The following SYT1 variants were observed in gnomAD, a reference collection of about 807,000 sequenced individuals.
SYT1 encodes synaptotagmin 1.
A neutral mutation model predicts 44.8 loss-of-function variants in SYT1; 8 were observed. The observed-to-expected ratio is 0.18, with a 90% CI of 0.10 to 0.32. SYT1 has a LOEUF of 0.32. Ranked by LOEUF, SYT1 falls within the 10% of genes least tolerant of loss-of-function variation. The probability of loss-of-function intolerance (pLI) is 1.00; values close to 1 mark genes in which losing one functional copy is unlikely to be tolerated. For synonymous variants in SYT1, 154 were observed against 188.8 expected (o/e 0.82, Z 1.51); for missense variants, 286 against 509.3 (o/e 0.56, Z 4.22).
chr12:78,931,971 C>CATGACTTGACAAGA (rs78986919), intron 1 of SYT1, among the ~76,000 whole-genome samples: 2 of 152,176 alleles, frequency 1.3e-5, no homozygotes, highest in African/African-American at 4.8e-5. Flanking sequence ...TAAACTTTGA[C>CATGACTTGACAAGA]ATGACTATCC....
At chr12:79,443,476 C>T (rs529128086) in intron 9 of SYT1, among the ~76,000 whole-genome samples, 22 of 152,324 alleles carry the variant, frequency 1.4e-4, no homozygotes, top group African/African-American at 5.1e-4. Context: ...TTTTCCCCCA[C>T]AGTCTGAAGT....
At chr12:79,190,010 T>G (rs1055819041) in intron 3 of SYT1, among the ~76,000 whole-genome samples, 1 of 152,180 alleles carries the variant, frequency 6.6e-6, no homozygotes, top group Middle Eastern at 3.2e-3. Context: ...GTTCACTCTT[T>G]TAATCACTGG....
chr12:78,996,004 A>G (rs966108305), intron 2 of SYT1, among the ~76,000 whole-genome samples: 1 of 152,192 alleles, frequency 6.6e-6, no homozygotes, highest in African/African-American at 2.4e-5. Context: ...AACTTGCCTG[A>G]AGTTTCTGAA....
At position 79,273,285 on chromosome 12, in the gene SYT1, T is replaced by A. The variant is rs143296898; in HGVS notation, c.167-12502T>A. 6.5e-3 allele frequency among the ~76,000 whole-genome samples: 981 copies of A among 152,070 alleles called. 7 individuals are homozygous for A. Among genetic ancestry groups the A allele is most frequent in the South Asian group, 0.04 (192 of 4,794 alleles). ...TATGCACAACATCCAGCTATTTTTT[T>A]TTATTATTTTTTGTAGAGCTAAGGT... is the stretch of plus-strand genomic sequence containing the variant. On this transcript the variant is annotated intron_variant, in intron 4 of 10. Coordinates refer to ENST00000261205, the MANE Select transcript of SYT1 (RefSeq NM_005639.3).
chr12:79,161,558 A>T (rs1402343272), intron 3 of SYT1, among the ~76,000 whole-genome samples: 1 of 152,188 alleles, frequency 6.6e-6, no homozygotes, highest in Non-Finnish European at 1.5e-5. Flanking sequence ...ATTTAATAAA[A>T]TACTAAAACT....
intron 2 of SYT1, among the ~76,000 whole-genome samples, chr12:78,983,698 T>C (rs928619992): frequency 2.6e-5 from 4 of 152,042 alleles, no homozygotes; most frequent in African/African-American, 9.7e-5. Flanking sequence ...ATGCAATAGG[T>C]TACATCTGAT....
intron 2 of SYT1, among the ~76,000 whole-genome samples, chr12:78,981,736 C>T (rs148788593): frequency 0.013 from 1,935 of 152,240 alleles, 13 homozygotes; most frequent in Non-Finnish European, 0.019. Flanking sequence ...CACAGTTGTT[C>T]ATTTAATTTA....
intron 3 of SYT1, among the ~76,000 whole-genome samples, chr12:79,115,492 G>GA (rs1329547190): frequency 5.3e-5 from 8 of 152,068 alleles, no homozygotes; most frequent in African/African-American, 1.7e-4. Flanking sequence ...ATGAACTTAG[G>GA]AAAAACCTTT....
chr12:79,361,051 T>C (rs1883297774), intron 9 of SYT1, among the ~76,000 whole-genome samples: 1 of 152,160 alleles, frequency 6.6e-6, no homozygotes, highest in Non-Finnish European at 1.5e-5. Flanking sequence ...AACTCCTAAG[T>C]AGATTCTTTA....
rs1363054065 is a variant in SYT1, at chr12:79,293,375, T to TAAA, written c.474+1247_474+1249dup. Among the ~76,000 whole-genome samples, 3 of 140,576 alleles carry TAAA rather than the reference T, an allele frequency of 2.1e-5. 1 individual carries two copies. Among genetic ancestry groups the TAAA allele is most frequent in the African/African-American group, 8.0e-5 (3 of 37,636 alleles). 92.2% of individuals were successfully genotyped at this position (140,576 alleles called of 152,430 possible). A position where few individuals can be genotyped will look rare whatever the true frequency, so the allele number is the denominator to read the frequency against. On this transcript the variant is annotated intron_variant, in intron 6 of 10. Transcript: ENST00000261205. ...TAAAATAAAATAAAATAAAATAAAA[T>TAAA]AAAATAAAATAAAATAAAATAAAAT...
chr12:79,297,778 A>T (rs1217496936), intron 7 of SYT1, among the ~76,000 whole-genome samples: 1 of 152,170 alleles, frequency 6.6e-6, no homozygotes, highest in Non-Finnish European at 1.5e-5. Flanking sequence ...AGGCAATATG[A>T]TACAGGAATG....
intron 3 of SYT1, among the ~76,000 whole-genome samples, chr12:79,050,425 A>C (rs1874390260): frequency 6.6e-6 from 1 of 152,048 alleles, no homozygotes; most frequent in African/African-American, 2.4e-5. Flanking sequence ...TCAAGTGTCA[A>C]CTATAGTCAT....
Position 79,240,500 on chromosome 12 carries a change from A to C in SYT1, c.166+22815A>C, listed in dbSNP as rs149546673. Among the ~76,000 whole-genome samples the C allele has an allele frequency of 1.1e-3, 162 of 152,334 alleles. 1 individual carries two copies. In the Middle Eastern group the frequency reaches 0.014, roughly 13 times the overall value. On this transcript the variant is annotated intron_variant, in intron 4 of 10. Coordinates refer to ENST00000261205, the MANE Select transcript of SYT1 (RefSeq NM_005639.3). The stretch of plus-strand genomic sequence containing the variant: ...TTAAAAAGAAAATGAAAGCTATATC[A>C]GTTCACTATTAATTATTCTCAGTCT...
At position 78,951,395 on chromosome 12, in the gene SYT1, C is replaced by T. The variant is rs553439441; in HGVS notation, c.-216-26404C>T. Reference sequence around the variant, plus strand: ...AATCAATATCTTCACGTAGTAGTTACCAATATAGTAGGTAGGAAAGTTATA... The same window carrying T: ...AATCAATATCTTCACGTAGTAGTTATCAATATAGTAGGTAGGAAAGTTATA... On this transcript the variant is annotated intron_variant, in intron 1 of 10. Coordinates refer to ENST00000261205, the MANE Select transcript of SYT1 (RefSeq NM_005639.3). Among the ~76,000 whole-genome samples the T allele has an allele frequency of 5.9e-5, 9 of 152,054 alleles. No homozygotes were observed. The East Asian group carries it at 1.5e-3, about 26-fold the overall frequency.
At chr12:79,051,889 C>G (rs540474775) in intron 3 of SYT1, among the ~76,000 whole-genome samples, 11 of 152,090 alleles carry the variant, frequency 7.2e-5, no homozygotes, top group Non-Finnish European at 1.6e-4. Flanking sequence ...TGGTCTATAT[C>G]TTTGTTTTGG....
intron 1 of SYT1, among the ~76,000 whole-genome samples, chr12:78,958,587 C>T (rs1288216600): frequency 6.6e-6 from 1 of 151,792 alleles, no homozygotes; most frequent in Admixed American, 6.6e-5. Flanking sequence ...CCCAGCTACT[C>T]GGGAGGCTAA....
intron 8 of SYT1, among the ~76,000 whole-genome samples, chr12:79,326,478 G>A (rs1411749701): frequency 1.3e-5 from 2 of 152,210 alleles, no homozygotes; most frequent in Non-Finnish European, 2.9e-5. Context: ...AGGCAAAGAG[G>A]TGCAGGATAT....
chr12:79,209,956 C>A (rs76253417), intron 3 of SYT1, among the ~76,000 whole-genome samples: 2 of 152,022 alleles, frequency 1.3e-5, no homozygotes, highest in Non-Finnish European at 2.9e-5. Flanking sequence ...AATATTTTTT[C>A]GACCTCCTCC....
chr12:79,384,354 AATCT>A (rs1341402079), intron 9 of SYT1, among the ~76,000 whole-genome samples: 5 of 152,220 alleles, frequency 3.3e-5, no homozygotes, highest in African/African-American at 1.2e-4. Context: ...TGCCAAAAAG[AATCT>A]TTCATATATA....
Sources: gnomAD v4.1 joint callset for allele counts (sites outside exome capture counted in the v4.1 genomes callset) on GRCh38, gnomAD v4.1.1 for gene constraint, MANE v1.5 for transcripts, NCBI Gene and HGNC (gene_info 2026-07-23, HGNC 2026-07-21) for gene names.